MYO3B: variants seen among roughly 807,000 people sequenced by gnomAD.
MYO3B encodes the protein myosin-IIIb.
A neutral mutation model predicts 174.6 loss-of-function variants in MYO3B; 156 were observed. That is an observed-to-expected ratio of 0.89 (90% CI 0.78 to 1.02). MYO3B has a LOEUF of 1.02. Ranked by LOEUF, MYO3B falls within the 50% of genes least tolerant of loss-of-function variation. MYO3B has a pLI of 0.00. For missense variants in MYO3B, 1,632 were observed against 1,639.4 expected (o/e 1.00, Z 0.08); for synonymous variants, 563 against 569.1 (o/e 0.99, Z 0.15).
intron 22 of MYO3B, among the ~76,000 whole-genome samples, chr2:170,421,774 A>G (rs2105857546): frequency 6.6e-6 from 1 of 152,280 alleles, no homozygotes; most frequent in South Asian, 2.1e-4. Flanking sequence ...TTGAGGGGAA[A>G]ATACGTGTAT....
chr2:170,460,697 A>T (rs898896248), intron 23 of MYO3B, among the ~76,000 whole-genome samples: 2 of 152,300 alleles, frequency 1.3e-5, no homozygotes, highest in East Asian at 3.9e-4. Flanking sequence ...GTGCAGTTAG[A>T]CAGGGCCCGT....
chr2:170,491,402 G>A (rs921652771), intron 25 of MYO3B, among the ~76,000 whole-genome samples: 1 of 151,982 alleles, frequency 6.6e-6, no homozygotes. Flanking sequence ...ACATACTTGT[G>A]TGACTTGAGT....
intron 7 of MYO3B, among the ~76,000 whole-genome samples, chr2:170,268,084 C>T (rs1396685651): frequency 1.3e-5 from 2 of 152,122 alleles, no homozygotes; most frequent in Non-Finnish European, 2.9e-5. Flanking sequence ...GTGGCAGGCA[C>T]CTGTAATCCC....
intron 32 of MYO3B, among the ~76,000 whole-genome samples, chr2:170,615,233 C>T (rs923976498): frequency 2.2e-4 from 34 of 152,332 alleles, no homozygotes; most frequent in Middle Eastern, 3.4e-3. Flanking sequence ...TTACTCAGTA[C>T]CTACCATGTA....
chr2:170,349,186 T>C (rs1419853359), intron 8 of MYO3B, among the ~76,000 whole-genome samples: 1 of 152,076 alleles, frequency 6.6e-6, no homozygotes, highest in Non-Finnish European at 1.5e-5. Flanking sequence ...TCTAGAAAAA[T>C]TGAACAAGTG....
chr2:170,440,594 T>C (rs2094792353), intron 22 of MYO3B, among the ~76,000 whole-genome samples: 1 of 151,916 alleles, frequency 6.6e-6, no homozygotes, highest in Admixed American at 6.5e-5. Context: ...TGTATAAAAA[T>C]GCAACTGAAT....
chr2:170,650,541 CTA>C (rs1350178128), intron 32 of MYO3B, among the ~76,000 whole-genome samples: 2 of 151,938 alleles, frequency 1.3e-5, no homozygotes, highest in African/African-American at 4.8e-5. Flanking sequence ...GGACAATATT[CTA>C]TGACAGAGGT....
At chr2:170,434,496 A>G (rs950162533) in intron 22 of MYO3B, among the ~76,000 whole-genome samples, 6 of 152,070 alleles carry the variant, frequency 3.9e-5, no homozygotes, top group Non-Finnish European at 8.8e-5. Flanking sequence ...TCATTCCCCT[A>G]TTGGCTAGGG....
intron 8 of MYO3B, among the ~76,000 whole-genome samples, chr2:170,367,489 G>A (rs1345711606): frequency 6.6e-6 from 1 of 152,092 alleles, no homozygotes; most frequent in Admixed American, 6.6e-5. Context: ...CACAACTACC[G>A]GGTGCATCTT....
At chr2:170,631,012 C>T (rs1401327420) in intron 32 of MYO3B, among the ~76,000 whole-genome samples, 9 of 152,322 alleles carry the variant, frequency 5.9e-5, no homozygotes, top group South Asian at 4.1e-4. Context: ...TCCAAAGGAA[C>T]GCAGCTCCTT....
chr2:170,310,646 C>T (rs370695233), intron 7 of MYO3B, among the ~76,000 whole-genome samples: 1 of 102,702 alleles, frequency 9.7e-6, no homozygotes, highest in East Asian at 3.1e-4. Context: ...GCCTGGGCGA[C>T]AAGAGCAAGA....
At position 170,338,512 on chromosome 2, in the gene MYO3B, G is replaced by A. The variant is rs140722851; in HGVS notation, c.815+3062G>A. Reference sequence around the variant, plus strand: ...CCATAAATTCTTCTGCAATATTTTTGGGAATATTTCTCAAAATTGGGAACT... The same window carrying A: ...CCATAAATTCTTCTGCAATATTTTTAGGAATATTTCTCAAAATTGGGAACT... On this transcript the variant is annotated intron_variant, in intron 8 of 34. Coordinates refer to ENST00000408978, the MANE Select transcript of MYO3B (RefSeq NM_138995.5). Among the ~76,000 whole-genome samples the A allele has an allele frequency of 4.3e-3, 649 of 152,102 alleles. 5 individuals are homozygous for A. Among genetic ancestry groups the A allele is most frequent in the South Asian group, 0.01 (50 of 4,810 alleles).
chr2:170,652,472 C>T (rs1040206974), intron 34 of MYO3B, among the ~76,000 whole-genome samples: 9 of 152,140 alleles, frequency 5.9e-5, no homozygotes, highest in African/African-American at 1.9e-4. Flanking sequence ...GAGCACTCTA[C>T]GAAGTACAAA....
chr2:170,187,283 A>AGTG (rs1274053007), intron 1 of MYO3B, among the ~76,000 whole-genome samples: 1 of 151,438 alleles, frequency 6.6e-6, no homozygotes, highest in East Asian at 1.9e-4. Context: ...CCCAGCCTGT[A>AGTG]GTGCAGTGAC....
At chr2:170,212,194 G>A (rs1011378713) in intron 3 of MYO3B, among the ~76,000 whole-genome samples, 8 of 150,596 alleles carry the variant, frequency 5.3e-5, no homozygotes, top group African/African-American at 2.0e-4. Context: ...GGTGAGCCAA[G>A]ATGGCGCCAC....
intron 32 of MYO3B, among the ~76,000 whole-genome samples, chr2:170,546,199 C>T (rs1182170419): frequency 6.6e-6 from 1 of 152,132 alleles, no homozygotes; most frequent in African/African-American, 2.4e-5. Context: ...CTCTTTTACT[C>T]TTTCTTATAA....
chr2:170,373,397 G>C (rs1164910103), intron 9 of MYO3B, among the ~76,000 whole-genome samples: 2 of 152,182 alleles, frequency 1.3e-5, no homozygotes, highest in Non-Finnish European at 2.9e-5. Context: ...GCAGTCCTGG[G>C]CCCTCCAGCT....
At chr2:170,318,056 G>A (rs1338923809) in intron 7 of MYO3B, among the ~76,000 whole-genome samples, 1 of 152,178 alleles carries the variant, frequency 6.6e-6, no homozygotes. Context: ...TTTCTCGTCT[G>A]TGAAATAAGA....
At chr2:170,492,481 T>G (rs1383427397) in intron 25 of MYO3B, among the ~76,000 whole-genome samples, 1 of 152,236 alleles carries the variant, frequency 6.6e-6, no homozygotes, top group Non-Finnish European at 1.5e-5. Flanking sequence ...GCCCACGTTG[T>G]GTTGAAAGAG....
Sources: allele counts gnomAD v4.1 joint callset (sites outside exome capture counted in the v4.1 genomes callset), GRCh38; gene constraint gnomAD v4.1.1; transcripts MANE v1.5; gene names NCBI Gene and HGNC (gene_info 2026-07-23, HGNC 2026-07-21).